The following SLC9D1 variants were observed in gnomAD, a reference collection of about 807,000 sequenced individuals.
The protein encoded by SLC9D1 is putative LAG1-interacting protein.
chr13:113,527,161 A>G, the SLC9D1 span: 3 of 152,110 alleles, frequency 2.0e-5, no homozygotes, highest in African/African-American at 4.8e-5. Context: ...ATTGAATACC[A>G]CAGCAGATGG....
the SLC9D1 span, chr13:113,498,561 C>T: frequency 1.4e-6 from 2 of 1,466,380 alleles, no homozygotes; most frequent in Non-Finnish European, 1.8e-6. Context: ...CCTCCTGAGC[C>T]ACTCACTAAT....
chr13:113,539,288 G>A, the SLC9D1 span: 2 of 1,480,722 alleles, frequency 1.4e-6, no homozygotes, highest in Non-Finnish European at 1.8e-6. The surrounding 1 kb of genome is among the most constrained non-coding windows in gnomAD (Gnocchi z 4.8). Context: ...GTCTCGGGGT[G>A]GCCTTGGGAT....
At chr13:113,514,151 A>G in the SLC9D1 span, 2 of 152,230 alleles carry the variant, frequency 1.3e-5, no homozygotes, top group East Asian at 1.9e-4. Context: ...AAATACTGAT[A>G]CATATGACAC....
At chr13:113,547,083 C>T in the SLC9D1 span, 1 of 550,540 alleles carries the variant, frequency 1.8e-6, no homozygotes, top group South Asian at 2.0e-5. Context: ...TGGGATCCCA[C>T]CACATCAGAC....
chr13:113,516,163 G>A, the SLC9D1 span, among the ~76,000 whole-genome samples: 1 of 152,306 alleles, frequency 6.6e-6, no homozygotes, highest in African/African-American at 2.4e-5. Flanking sequence ...GGAGGTTAGT[G>A]TATGAAACAA....
chr13:113,538,647 G>T, the SLC9D1 span, among the ~76,000 whole-genome samples: 1 of 152,266 alleles, frequency 6.6e-6, no homozygotes, highest in Non-Finnish European at 1.5e-5. Context: ...TCCTCAGGAT[G>T]TGATGTTTTT....
chr13:113,513,024 A>G, the SLC9D1 span, among the ~76,000 whole-genome samples: 2 of 152,162 alleles, frequency 1.3e-5, no homozygotes. Context: ...CCCATCTCCA[A>G]CACTGATGGG....
At chr13:113,506,556 T>TGA in the SLC9D1 span, among the ~76,000 whole-genome samples, 1 of 100,090 alleles carries the variant, frequency 1.0e-5, no homozygotes, top group African/African-American at 5.6e-5. Context: ...CGTGTGTGTG[T>TGA]GAGTGTGTGT....
chr13:113,520,212 G>A, the SLC9D1 span, among the ~76,000 whole-genome samples: 2 of 152,196 alleles, frequency 1.3e-5, no homozygotes, highest in South Asian at 2.1e-4. Flanking sequence ...CCGGCCGGGA[G>A]TAGTGGCCCA....
chr13:113,530,199 G>A, the SLC9D1 span: 2 of 152,220 alleles, frequency 1.3e-5, no homozygotes, highest in Admixed American at 6.5e-5. Flanking sequence ...GTTGCCGGAG[G>A]GTGGGGAGGT....
the SLC9D1 span, among the ~76,000 whole-genome samples, chr13:113,509,948 T>C: frequency 6.6e-6 from 1 of 151,990 alleles, no homozygotes; most frequent in Admixed American, 6.6e-5. Context: ...CATCTGAAAG[T>C]GGGGAAAATG....
At chr13:113,548,515 C>A in the SLC9D1 span, 3 of 1,537,964 alleles carry the variant, frequency 2.0e-6, no homozygotes, top group South Asian at 2.4e-5. Flanking sequence ...GGGTTTGAGT[C>A]GGGTGTGGCG....
At chr13:113,509,833 C>T in the SLC9D1 span, among the ~76,000 whole-genome samples, 1 of 152,184 alleles carries the variant, frequency 6.6e-6, no homozygotes, top group Non-Finnish European at 1.5e-5. Context: ...TATAGAGCCG[C>T]TTCGAATGCC....
chr13:113,506,546 C>T, the SLC9D1 span, among the ~76,000 whole-genome samples: 1 of 134,314 alleles, frequency 7.4e-6, no homozygotes, highest in South Asian at 2.3e-4. Context: ...GCAGCATGGG[C>T]GTGTGTGTGT....
At chr13:113,534,413 C>T in the SLC9D1 span, 17 of 631,154 alleles carry the variant, frequency 2.7e-5, no homozygotes, top group Middle Eastern at 4.3e-4. Flanking sequence ...AAATATAATA[C>T]AGGGAGCTAA....
At chr13:113,498,820 G>A in the SLC9D1 span, among the ~76,000 whole-genome samples, 2 of 152,188 alleles carry the variant, frequency 1.3e-5, no homozygotes, top group African/African-American at 4.8e-5. Flanking sequence ...AGCCTGGACA[G>A]TTGGGTTTAA....
At chr13:113,544,202 G>A in the SLC9D1 span, among the ~76,000 whole-genome samples, 17 of 152,358 alleles carry the variant, frequency 1.1e-4, no homozygotes, top group South Asian at 4.1e-4. Flanking sequence ...GCTGGCAGGC[G>A]TCGCTCTCAG....
At chr13:113,516,542 G>A in the SLC9D1 span, among the ~76,000 whole-genome samples, 5 of 150,680 alleles carry the variant, frequency 3.3e-5, no homozygotes, top group Non-Finnish European at 7.4e-5. Context: ...CTCCAGCCTG[G>A]GCCACAGAGT....
At chr13:113,515,408 G>A in the SLC9D1 span, among the ~76,000 whole-genome samples, 1 of 152,162 alleles carries the variant, frequency 6.6e-6, no homozygotes, top group East Asian at 1.9e-4. Context: ...GCAACAAGAA[G>A]TGTTTGAGAA....
Sources: gnomAD v4.1 joint callset for allele counts (sites outside exome capture counted in the v4.1 genomes callset) on GRCh38, gnomAD v4.1.1 for gene constraint, Gnocchi (gnomAD v3.1) non-coding constraint, MANE v1.5 for transcripts, NCBI Gene and HGNC (gene_info 2026-07-23, HGNC 2026-07-21) for gene names.